The following GAS7 variants were observed in gnomAD, a reference collection of about 807,000 sequenced individuals.
GAS7 encodes growth arrest specific 7.
A neutral mutation model predicts 71.1 loss-of-function variants in GAS7; 28 were observed. The observed-to-expected ratio is 0.39, with a 90% CI of 0.29 to 0.54. The LOEUF (loss-of-function observed/expected upper bound fraction) is 0.54, where lower values mean the gene tolerates loss of function less well. Ranked by LOEUF, GAS7 falls within the 20% of genes least tolerant of loss-of-function variation. The pLI is 0.62. For synonymous variants in GAS7, 258 were observed against 245.8 expected (o/e 1.05, Z -0.46); for missense variants, 436 against 627.8 (o/e 0.69, Z 3.27).
At chr17:10,109,557 T>C (rs1335100562) in intron 1 of GAS7, among the ~76,000 whole-genome samples, 3 of 152,104 alleles carry the variant, frequency 2.0e-5, no homozygotes, top group Non-Finnish European at 4.4e-5. Flanking sequence ...AAACTAAAAA[T>C]AGAACAACCA....
chr17:10,098,688 G>A (rs770044430), intron 1 of GAS7, among the ~76,000 whole-genome samples: 21 of 152,336 alleles, frequency 1.4e-4, no homozygotes, highest in Non-Finnish European at 2.2e-4. Context: ...GGCCGGGCGC[G>A]GTGGCTGATG....
chr17:10,052,599 C>T (rs943179356), intron 1 of GAS7, among the ~76,000 whole-genome samples: 1 of 152,198 alleles, frequency 6.6e-6, no homozygotes, highest in African/African-American at 2.4e-5. Context: ...CCAGAAGGCA[C>T]CCCCTGCCCA....
chr17:10,157,491 G>A (rs375547483), intron 1 of GAS7, among the ~76,000 whole-genome samples: 5 of 151,994 alleles, frequency 3.3e-5, no homozygotes, highest in African/African-American at 4.8e-5. Context: ...ACTGACACTC[G>A]TTGGAAAAAA....
chr17:10,104,904 C>T (rs1231853855), intron 1 of GAS7, among the ~76,000 whole-genome samples: 1 of 152,186 alleles, frequency 6.6e-6, no homozygotes, highest in Admixed American at 6.5e-5. Flanking sequence ...ACTTATAAAA[C>T]ATCCATCAAA....
At chr17:10,079,869 C>T (rs897019172) in intron 1 of GAS7, among the ~76,000 whole-genome samples, 2 of 152,154 alleles carry the variant, frequency 1.3e-5, no homozygotes, top group African/African-American at 4.8e-5. Context: ...AAATACACCA[C>T]GCACAATGGC....
At chr17:10,156,488 A>C (rs1304772475) in intron 1 of GAS7, among the ~76,000 whole-genome samples, 3 of 152,170 alleles carry the variant, frequency 2.0e-5, no homozygotes, top group Non-Finnish European at 4.4e-5. Context: ...ACATGGGACA[A>C]AGCTCTAGAA....
At chr17:9,979,582 C>G (rs985591622) in intron 3 of GAS7, among the ~76,000 whole-genome samples, 14 of 152,214 alleles carry the variant, frequency 9.2e-5, no homozygotes, top group Non-Finnish European at 2.9e-5. Flanking sequence ...GGACAAGATG[C>G]TGCCTGTGGA....
intron 1 of GAS7, among the ~76,000 whole-genome samples, chr17:10,029,083 C>T (rs2072544361): frequency 1.3e-5 from 2 of 152,184 alleles, no homozygotes; most frequent in Non-Finnish European, 2.9e-5. Context: ...CAGACATACC[C>T]TAACAACATA....
In GAS7 at chr17:10,103,118, G is replaced by A. The variant is rs907891639; in HGVS notation, c.184-83221C>T. On this transcript the variant is annotated intron_variant, in intron 1 of 13. Coordinates refer to ENST00000432992, the MANE Select transcript of GAS7 (RefSeq NM_201433.2). This position sits in a 1 kb window ranked among gnomAD's most constrained non-coding sequence, Gnocchi z 5.5. ...TGTAATCCCAGCATTTTGGGAGGCCGAGGTGGGCAGATTGCTAAGAGCCCA... is the reference window on the plus strand; with the variant it reads ...TGTAATCCCAGCATTTTGGGAGGCCAAGGTGGGCAGATTGCTAAGAGCCCA... Among the ~76,000 whole-genome samples, 9 of 152,088 alleles carry A rather than the reference G, an allele frequency of 5.9e-5. No homozygotes were observed. The highest frequency in any genetic ancestry group is 7.4e-5 in the Non-Finnish European group (5 of 68,026).
intron 5 of GAS7, among the ~76,000 whole-genome samples, chr17:9,949,766 TTCCTCCCC>T (rs145203118): frequency 0.39 from 58,360 of 148,654 alleles, 13,107 homozygotes; most frequent in African/African-American, 0.62. Flanking sequence ...TCTCCTTCCC[TTCCTCCCC>T]TCCTCCCTTC....
At chr17:9,976,419 A>T (rs929253507) in intron 3 of GAS7, among the ~76,000 whole-genome samples, 8 of 152,240 alleles carry the variant, frequency 5.3e-5, no homozygotes, top group African/African-American at 1.9e-4. Context: ...TTTCGCAAGA[A>T]GCGAGGGTCT....
chr17:9,952,113 G>T (rs1281847501), intron 5 of GAS7, among the ~76,000 whole-genome samples: 1 of 152,200 alleles, frequency 6.6e-6, no homozygotes, highest in Non-Finnish European at 1.5e-5. Context: ...AGTCGAGGAT[G>T]AACATGCCTC....
intron 2 of GAS7, among the ~76,000 whole-genome samples, chr17:9,983,633 C>T (rs1477093908): frequency 1.3e-5 from 2 of 151,792 alleles, no homozygotes; most frequent in East Asian, 1.9e-4. Flanking sequence ...CTAAAAATAA[C>T]AAAAATTAGC....
At chr17:10,143,026 A>AT (rs1567608649) in intron 1 of GAS7, among the ~76,000 whole-genome samples, 1 of 145,990 alleles carries the variant, frequency 6.8e-6, no homozygotes, top group African/African-American at 2.5e-5. Context: ...CAAAAAAAAA[A>AT]AAAAAATTAG....
chr17:9,959,456 G>T lies in GAS7; in HGVS notation c.472-201C>A. 1 of 1,430,670 alleles carries T rather than the reference G, an allele frequency of 7.0e-7. No individual in the cohort carries two copies. Among genetic ancestry groups the T allele is most frequent in the East Asian group, 2.5e-5 (1 of 39,510 alleles). 88.6% of individuals were successfully genotyped at this position (1,430,670 alleles called of 1,614,324 possible). On this transcript the variant is annotated intron_variant, in intron 4 of 13. Transcript: ENST00000432992. The surrounding 1 kb of genome is among the most constrained non-coding windows in gnomAD (Gnocchi z 5.0). Reference sequence around the variant, plus strand: ...CCCACGCCCAGCTCTCGGGCTGAAGGCGAATTAAGGAAGCCTCCTGCACAG... The same window carrying T: ...CCCACGCCCAGCTCTCGGGCTGAAGTCGAATTAAGGAAGCCTCCTGCACAG...
intron 6 of GAS7, 99 bp downstream of exon 6, chr17:9,946,794 AG>A (rs1276317685): frequency 1.5e-5 from 10 of 688,856 alleles, no homozygotes; most frequent in Non-Finnish European, 2.5e-5. Context: ...CCAACGAGAA[AG>A]GCCCCTCCAC....
intron 10 of GAS7, among the ~76,000 whole-genome samples, chr17:9,925,946 C>T (rs1246497134): frequency 6.6e-6 from 1 of 152,094 alleles, no homozygotes. Flanking sequence ...CCATCTGTGT[C>T]ACCTCCCTGC....
intron 2 of GAS7, among the ~76,000 whole-genome samples, chr17:9,988,348 G>C (rs568214158): frequency 3.3e-5 from 5 of 152,290 alleles, no homozygotes; most frequent in African/African-American, 1.2e-4. Context: ...CCCAGGCTAT[G>C]CTGCCCTGTC....
At chr17:10,064,781 TG>T (rs2073263206) in intron 1 of GAS7, among the ~76,000 whole-genome samples, 1 of 152,190 alleles carries the variant, frequency 6.6e-6, no homozygotes, top group South Asian at 2.1e-4. Context: ...GATCAAACCA[TG>T]CCTGAAGCTG....
Sources: gnomAD v4.1 joint callset for allele counts (sites outside exome capture counted in the v4.1 genomes callset) on GRCh38, gnomAD v4.1.1 for gene constraint, Gnocchi (gnomAD v3.1) non-coding constraint, MANE v1.5 for transcripts, NCBI Gene and HGNC (gene_info 2026-07-23, HGNC 2026-07-21) for gene names.